The following IPCEF1 variants were observed in gnomAD, a reference collection of about 807,000 sequenced individuals.
The protein encoded by IPCEF1 is interactor protein for cytohesin exchange factors 1.
IPCEF1 carries 31 observed loss-of-function variants against 50.9 expected under a neutral mutation model. That is an observed-to-expected ratio of 0.61 (90% CI 0.46 to 0.82). The LOEUF (loss-of-function observed/expected upper bound fraction) is 0.82, where lower values mean the gene tolerates loss of function less well. Among genes scored for constraint, IPCEF1 ranks in the 40% least tolerant of loss-of-function variants. The pLI is 0.00. For synonymous variants in IPCEF1, 181 were observed against 192.0 expected, an observed-to-expected ratio of 0.94 and a Z score of 0.47; for missense variants, 458 against 514.0, an observed-to-expected ratio of 0.89 and a Z score of 1.05.
chr6:154,308,235 T>C (rs897324567), intron 1 of IPCEF1, among the ~76,000 whole-genome samples: 1 of 152,208 alleles, frequency 6.6e-6, no homozygotes, highest in Non-Finnish European at 1.5e-5. Context: ...AAACCCCAGC[T>C]TTCCAAGTAG....
chr6:154,250,091 T>C (rs993217256), intron 3 of IPCEF1, among the ~76,000 whole-genome samples: 3 of 152,120 alleles, frequency 2.0e-5, no homozygotes, highest in African/African-American at 7.2e-5. Context: ...TCACCTAACA[T>C]ACATGAATTT....
intron 10 of IPCEF1, among the ~76,000 whole-genome samples, chr6:154,182,111 T>A (rs957504333): frequency 4.6e-5 from 7 of 152,166 alleles, no homozygotes; most frequent in African/African-American, 1.7e-4. Context: ...AAACTGAACA[T>A]ATTAAGAGAA....
chr6:154,263,240 T>TTTA (rs1554299913), intron 3 of IPCEF1, among the ~76,000 whole-genome samples: 107 of 150,904 alleles, frequency 7.1e-4, no homozygotes, highest in Middle Eastern at 3.4e-3. Flanking sequence ...CTTTTTTTTT[T>TTTA]AAATTTATTT....
At chr6:154,189,481 T>C (rs1801672616) in intron 10 of IPCEF1, among the ~76,000 whole-genome samples, 1 of 151,348 alleles carries the variant, frequency 6.6e-6, no homozygotes. Context: ...AAAGAAAAAA[T>C]GTGCAAAACA....
At chr6:154,342,193 T>C (rs566802046) in intron 1 of IPCEF1, among the ~76,000 whole-genome samples, 1 of 152,272 alleles carries the variant, frequency 6.6e-6, no homozygotes, top group East Asian at 1.9e-4. Flanking sequence ...TAAGTCTAGC[T>C]CCTAAACCTG....
chr6:154,269,284 A>G (rs1268352030), intron 2 of IPCEF1, among the ~76,000 whole-genome samples: 1 of 152,178 alleles, frequency 6.6e-6, no homozygotes, highest in Non-Finnish European at 1.5e-5. Context: ...TCTGCAGGAT[A>G]TGGAAATGAG....
rs192388785 is a variant in IPCEF1 at position 154,168,863 on chromosome 6, C to T, written c.911-750G>A. On this transcript the variant is annotated intron_variant, in intron 10 of 11. Coordinates refer to ENST00000367220, the MANE Select transcript of IPCEF1 (RefSeq NM_001130700.2). The surrounding 1 kb of genome is among the most constrained non-coding windows in gnomAD (Gnocchi z 4.1). Reference sequence around the variant, plus strand: ...TTGGGTGATCCGCCCACCTTGGCCTCCCAAAGTGCTGGGATTACAGGTGTG... The same window carrying T: ...TTGGGTGATCCGCCCACCTTGGCCTTCCAAAGTGCTGGGATTACAGGTGTG... Among the ~76,000 whole-genome samples the T allele has an allele frequency of 1.6e-3, 239 of 152,136 alleles. 1 individual carries two copies. Among genetic ancestry groups the T allele is most frequent in the Non-Finnish European group, 2.7e-3 (184 of 68,008 alleles).
At chr6:154,174,330 C>T (rs1800120258) in intron 10 of IPCEF1, among the ~76,000 whole-genome samples, 1 of 152,218 alleles carries the variant, frequency 6.6e-6, no homozygotes, top group East Asian at 1.9e-4. Context: ...CAATATTAAC[C>T]TTAAATGTAA....
intron 7 of IPCEF1, among the ~76,000 whole-genome samples, chr6:154,216,258 G>C (rs955924705): frequency 2.1e-4 from 32 of 151,986 alleles, no homozygotes; most frequent in African/African-American, 7.5e-4. Context: ...TATCAACACT[G>C]ATTCTATCAA....
At chr6:154,312,784 A>G (rs1361133041) in intron 1 of IPCEF1, among the ~76,000 whole-genome samples, 1 of 152,224 alleles carries the variant, frequency 6.6e-6, no homozygotes, top group South Asian at 2.1e-4. Flanking sequence ...GATCAAAAAA[A>G]CTATGTGAGG....
chr6:154,209,845 C>T (rs1376835927), intron 9 of IPCEF1, among the ~76,000 whole-genome samples: 1 of 152,042 alleles, frequency 6.6e-6, no homozygotes, highest in East Asian at 1.9e-4. Context: ...AACTGTTCAA[C>T]GTTTATCTGA....
intron 1 of IPCEF1, among the ~76,000 whole-genome samples, chr6:154,296,552 G>C (rs999701406): frequency 1.3e-5 from 2 of 152,112 alleles, no homozygotes; most frequent in East Asian, 3.9e-4. Flanking sequence ...AATATCGGCC[G>C]GGCGTGGTGG....
At chr6:154,255,855 A>C (rs1055069354) in intron 3 of IPCEF1, among the ~76,000 whole-genome samples, 25 of 152,124 alleles carry the variant, frequency 1.6e-4, no homozygotes, top group Admixed American at 6.5e-4. Context: ...GAAATTTATA[A>C]ATTTTTTAAA....
chr6:154,268,528 T>A (rs1365950439), intron 2 of IPCEF1, among the ~76,000 whole-genome samples: 1 of 152,194 alleles, frequency 6.6e-6, no homozygotes, highest in Non-Finnish European at 1.5e-5. Flanking sequence ...TGCAAGAACA[T>A]CCTAACTGAT....
chr6:154,342,919 C>A (rs1783947168), intron 1 of IPCEF1, among the ~76,000 whole-genome samples: 2 of 152,142 alleles, frequency 1.3e-5, no homozygotes, highest in Admixed American at 1.3e-4. Context: ...TTAAGACCAG[C>A]CTGGGCATAC....
At chr6:154,217,427 C>T (rs1474875555) in intron 7 of IPCEF1, 1 of 143,070 alleles carries the variant, frequency 7.0e-6, no homozygotes, top group African/African-American at 2.6e-5. Context: ...GAGGTGGCTG[C>T]ATGGAGAAAA....
At chr6:154,246,514 C>T (rs1359962847) in intron 5 of IPCEF1, 77 bp downstream of exon 5, 13 of 1,464,364 alleles carry the variant, frequency 8.9e-6, no homozygotes, top group Non-Finnish European at 9.2e-7. Context: ...AATGAACTTT[C>T]CCATAGGGAT....
Position 154,253,142 on chromosome 6 carries a change from C to A in IPCEF1, c.37-5654G>T, listed in dbSNP as rs113707016. On this transcript the variant is annotated intron_variant, in intron 3 of 11. Transcript: ENST00000367220. Reference sequence around the variant, plus strand: ...TTCCCTTTTTCATTTCCCTCTCATTCTCCTCACATTACACTAACTTGAATG... The same window carrying A: ...TTCCCTTTTTCATTTCCCTCTCATTATCCTCACATTACACTAACTTGAATG... Among the ~76,000 whole-genome samples, 732 of 152,168 alleles carry A rather than the reference C, an allele frequency of 4.8e-3. 7 individuals carry two copies. Among genetic ancestry groups the A allele is most frequent in the African/African-American group, 0.017 (699 of 41,518 alleles).
At chr6:154,311,118 T>A (rs114301879) in intron 1 of IPCEF1, among the ~76,000 whole-genome samples, 1 of 152,192 alleles carries the variant, frequency 6.6e-6, no homozygotes, top group African/African-American at 2.4e-5. Context: ...TTGTAACCCA[T>A]AAATATGCAC....
Sources: allele counts gnomAD v4.1 joint callset (sites outside exome capture counted in the v4.1 genomes callset), GRCh38; gene constraint gnomAD v4.1.1; non-coding constraint Gnocchi (gnomAD v3.1); transcripts MANE v1.5; gene names NCBI Gene and HGNC (gene_info 2026-07-23, HGNC 2026-07-21).